Variants in FANCI observed in about 807,000 individuals in gnomAD.
The protein encoded by FANCI is Fanconi anemia group I protein.
In FANCI, 156 loss-of-function variants were observed where a neutral mutation model predicts 176.1. That is an observed-to-expected ratio of 0.89 (90% confidence interval 0.78 to 1.01). The LOEUF is 1.01. Among genes scored for constraint, FANCI ranks in the 50% least tolerant of loss-of-function variants. The pLI is 0.00. For missense variants in FANCI, 1,678 were observed against 1,534.1 expected (o/e 1.09, Z -1.57); for synonymous variants, 613 against 541.7 (o/e 1.13, Z -1.83).
intron 16 of FANCI, chr15:89,282,783 A>C (rs2053664664): frequency 3.0e-6 from 1 of 336,654 alleles, no homozygotes; most frequent in African/African-American, 2.1e-5. Flanking sequence ...GAGCATATGA[A>C]GGGAAGCACT....
chr15:89,310,264 T>C (rs2054902643), intron 34 of FANCI, among the ~76,000 whole-genome samples: 1 of 152,226 alleles, frequency 6.6e-6, no homozygotes, highest in Non-Finnish European at 1.5e-5. Flanking sequence ...AGCATGGCTA[T>C]GTTCCAATGA....
chr15:89,275,964 A>G (rs1447244377), intron 12 of FANCI, among the ~76,000 whole-genome samples: 1 of 152,210 alleles, frequency 6.6e-6, no homozygotes, highest in East Asian at 1.9e-4. Flanking sequence ...TCTCCATTTT[A>G]TGTAATTGAA....
intron 34 of FANCI, among the ~76,000 whole-genome samples, chr15:89,308,953 A>T (rs2054841112): frequency 6.6e-6 from 1 of 151,910 alleles, no homozygotes; most frequent in South Asian, 2.1e-4. Flanking sequence ...CTCAAAAAAA[A>T]AAAAAATAAA....
intron 12 of FANCI, among the ~76,000 whole-genome samples, chr15:89,276,158 C>G (rs149538209): frequency 1.8e-3 from 277 of 152,290 alleles, no homozygotes; most frequent in Non-Finnish European, 2.9e-3. Context: ...TGGTATAAAA[C>G]CACCAATGAT....
intron 14 of FANCI, among the ~76,000 whole-genome samples, chr15:89,279,569 CTT>C (rs1321334990): frequency 6.6e-6 from 1 of 152,150 alleles, no homozygotes; most frequent in Non-Finnish European, 1.5e-5. Context: ...TCCCCTGAAA[CTT>C]TTTAGGTAAG....
At chr15:89,263,849 T>C in intron 7 of FANCI, 54 bp from the exon 8 acceptor site, 1 of 1,610,960 alleles carries the variant, frequency 6.2e-7, no homozygotes, top group South Asian at 1.1e-5. Context: ...ATTGAATTTC[T>C]GAAAACAAGG....
chr15:89,292,859 G>C lies in FANCI; in HGVS notation c.2164G>C (p.Glu722Gln). Residue 722 changes from glutamate (E) to glutamine (Q), a missense_variant, in exon 21 of 38, where the codon GAA becomes CAA. Glu to Gln is a conservative substitution (Grantham distance 29). Transcript: ENST00000310775. ...GATTAAGAGTGAGCTGGAAGACTTT[G>C]AACTGGTAATTGCTAAGTCCTCAGC... is the stretch of plus-strand genomic sequence containing the variant. ...RMIKSELEDF[E>Q]LDKSADFSQS... is the part of the protein sequence containing the mutation. 1 of 1,614,030 alleles carries C rather than the reference G, an allele frequency of 6.2e-7. No homozygotes were observed. The highest frequency in any genetic ancestry group is 8.5e-7 in the Non-Finnish European group (1 of 1,179,986).
chr15:89,303,733 C>A, intron 27 of FANCI, 131 bp from the exon 28 acceptor site: 1 of 722,214 alleles, frequency 1.4e-6, no homozygotes, highest in South Asian at 1.6e-5. Flanking sequence ...TATATTACCA[C>A]TTGAGATCTA....
intron 37 of FANCI, among the ~76,000 whole-genome samples, chr15:89,315,594 T>TA (rs1555451598): frequency 4.7e-5 from 7 of 148,796 alleles, no homozygotes; most frequent in Non-Finnish European, 7.5e-5. Context: ...ACTTGTTTGA[T>TA]AAACACTTCC....
chr15:89,292,834 G>A lies in FANCI; in HGVS notation c.2139G>A (p.Met713Ile). ...TATTGGAGTCCATTACTAATAGAAT[G>A]ATTAAGAGTGAGCTGGAAGACTTTG... is the stretch of plus-strand genomic sequence containing the variant. Reference protein sequence around the residue: ...DDILESITNRMIKSELEDFEL... With the variant: ...DDILESITNRIIKSELEDFEL... Residue 713 changes from methionine to isoleucine, a missense_variant, in exon 21 of 38, where the codon ATG becomes ATA. Physicochemically the swap from Met to Ile is conservative, Grantham distance 10 (BLOSUM62 1). This residue lies in a region of FANCI where 1,204 missense variants were observed against 1,077.4 expected (regional missense o/e 1.12). Coordinates refer to ENST00000310775, the MANE Select transcript of FANCI (RefSeq NM_001113378.2). 1 of 1,614,126 alleles carries A rather than the reference G, an allele frequency of 6.2e-7. No homozygotes were observed. Among genetic ancestry groups the A allele is most frequent in the Non-Finnish European group, 8.5e-7 (1 of 1,180,016 alleles).
chr15:89,248,835 T>C (rs1055851584), intron 2 of FANCI, among the ~76,000 whole-genome samples: 1 of 152,316 alleles, frequency 6.6e-6, no homozygotes, highest in South Asian at 2.1e-4. Context: ...TATTTTTGTA[T>C]ATGTTGATAA....
At position 89,305,635 on chromosome 15, in the gene FANCI, C is replaced by G; in HGVS notation, c.3286C>G (p.Leu1096Val). 6.2e-7 allele frequency: 1 copy of G among 1,614,150 alleles called. No homozygotes were observed. Among genetic ancestry groups the G allele is most frequent in the Non-Finnish European group, 8.5e-7 (1 of 1,180,024 alleles). The change falls in exon 31 of 38, where the codon CTA becomes GTA. Residue 1096 changes from leucine (L) to valine (V), a missense_variant. Leu to Val is a conservative substitution (Grantham distance 32). This residue lies in a region of FANCI where 1,204 missense variants were observed against 1,077.4 expected (regional missense o/e 1.12). Transcript: ENST00000310775. ...TGTTCTGAGTCAGGCCGAGAAGGTT[C>G]TAGAAGAAGTGGACTGGCTAATCAC... ...LLVLSQAEKVLEEVDWLITKL... is the reference protein window; with the variant it reads ...LLVLSQAEKVVEEVDWLITKL...
At chr15:89,283,949 A>G (rs2053719618) in intron 17 of FANCI, among the ~76,000 whole-genome samples, 1 of 151,846 alleles carries the variant, frequency 6.6e-6, no homozygotes, top group African/African-American at 2.4e-5. Flanking sequence ...TTTTTAGTAG[A>G]GATGGGGTTT....
chr15:89,276,423 CTCA>C (rs1413410427), intron 12 of FANCI, among the ~76,000 whole-genome samples: 5 of 152,198 alleles, frequency 3.3e-5, no homozygotes, highest in African/African-American at 1.2e-4. Flanking sequence ...CAATGAACTT[CTCA>C]TCATGAAATC....
At chr15:89,314,937 T>C (rs965741681) in intron 36 of FANCI, among the ~76,000 whole-genome samples, 2 of 148,402 alleles carry the variant, frequency 1.3e-5, no homozygotes, top group Non-Finnish European at 3.0e-5. Context: ...CCAGAGTAGC[T>C]GGGACTACAG....
At chr15:89,315,179 G>A in intron 36 of FANCI, 103 bp from the exon 37 acceptor site, 3 of 855,376 alleles carry the variant, frequency 3.5e-6, no homozygotes, top group Non-Finnish European at 4.1e-6. Context: ...CTTGCTTTAG[G>A]TAGAAATGGA....
intron 10 of FANCI, among the ~76,000 whole-genome samples, chr15:89,269,199 T>C (rs2053102410): frequency 6.6e-6 from 1 of 152,206 alleles, no homozygotes; most frequent in Non-Finnish European, 1.5e-5. Flanking sequence ...ACATATTCTT[T>C]TTCTGAACAT....
rs1485838865 is a variant in FANCI at position 89,312,893 on chromosome 15, T to C, written c.3652-11T>C. 1 of 1,608,842 alleles carries C rather than the reference T, an allele frequency of 6.2e-7. No homozygotes were observed. Among genetic ancestry groups the C allele is most frequent in the Non-Finnish European group, 8.5e-7 (1 of 1,175,544 alleles). On this transcript the variant is annotated splice_polypyrimidine_tract_variant and intron_variant, in intron 34 of 37. Coordinates refer to ENST00000310775, the MANE Select transcript of FANCI (RefSeq NM_001113378.2). ...CATCAGGAATAAGAGAATGTGTTTC[T>C]ATTTCTTTAGAATAAGAGTAAGAGC...
In FANCI at chr15:89,251,060, CATTA is replaced by C. The variant is rs1328815792; in HGVS notation, c.84+3336_84+3339del. 3.3e-5 allele frequency among the ~76,000 whole-genome samples: 5 copies of C among 151,652 alleles called. No individual in the cohort carries two copies. The Middle Eastern group carries it at 0.01, about 309-fold the overall frequency. ...GGTTCTTTGTGGGGGAAAAAAACAC[CATTA>C]ATTAATATAATAATCAAAACAGTGG... On this transcript the variant is annotated intron_variant, in intron 2 of 37. Transcript: ENST00000310775.
Sources: allele counts gnomAD v4.1 joint callset (sites outside exome capture counted in the v4.1 genomes callset), GRCh38; gene constraint gnomAD v4.1.1; regional missense constraint gnomAD v4.1.1; transcripts MANE v1.5; gene names NCBI Gene and HGNC (gene_info 2026-07-23, HGNC 2026-07-21).